Variants in ROBO2 observed in about 807,000 individuals in gnomAD.
The protein encoded by ROBO2 is roundabout homolog 2.
Under a neutral mutation model 160.8 loss-of-function variants are expected in ROBO2, and 53 were observed. The ratio of observed to expected loss-of-function variants is 0.33; its 90% CI spans 0.26 to 0.41. The LOEUF is 0.41. ROBO2 is among the 10% of genes least tolerant of loss of function. The pLI, the probability that ROBO2 is intolerant of heterozygous loss-of-function variation, is 1.00. For synonymous variants in ROBO2, 664 were observed against 611.7 expected, an observed-to-expected ratio of 1.09 and a Z score of -1.26; for missense variants, 1,577 against 1,722.4, an observed-to-expected ratio of 0.92 and a Z score of 1.49.
intron 2 of ROBO2, among the ~76,000 whole-genome samples, chr3:76,509,793 C>T (rs2080986499): frequency 6.6e-6 from 1 of 152,190 alleles, no homozygotes; most frequent in South Asian, 2.1e-4. Flanking sequence ...TAATGCCTCA[C>T]TCAGGTTGAG....
intron 2 of ROBO2, among the ~76,000 whole-genome samples, chr3:76,728,221 T>C (rs1199329356): frequency 6.6e-6 from 1 of 152,166 alleles, no homozygotes; most frequent in Non-Finnish European, 1.5e-5. Context: ...ATTCATTCTG[T>C]GTGTGTATGT....
At chr3:77,526,584 C>CA in intron 6 of ROBO2, among the ~76,000 whole-genome samples, 1 of 151,552 alleles carries the variant, frequency 6.6e-6, no homozygotes, top group East Asian at 1.9e-4. Context: ...GCGTGTTATT[C>CA]ATTTTTAAAA....
At chr3:77,519,633 A>G (rs2090384681) in intron 5 of ROBO2, among the ~76,000 whole-genome samples, 1 of 151,464 alleles carries the variant, frequency 6.6e-6, no homozygotes, top group African/African-American at 2.4e-5. Context: ...GCTGTGTAGT[A>G]TTCCATGGTA....
intron 2 of ROBO2, among the ~76,000 whole-genome samples, chr3:76,029,187 T>A (rs918451415): frequency 5.9e-5 from 9 of 152,074 alleles, no homozygotes; most frequent in Admixed American, 2.6e-4. Context: ...AAAACAAATT[T>A]CCAATGGTTT....
At chr3:77,356,621 T>G (rs1463490436) in intron 2 of ROBO2, among the ~76,000 whole-genome samples, 2 of 152,278 alleles carry the variant, frequency 1.3e-5, no homozygotes, top group East Asian at 3.9e-4. Context: ...TTACATGATA[T>G]GAGAACTTTT....
chr3:76,496,847 A>G lies in ROBO2; in HGVS notation c.109+559245A>G, dbSNP rs1038578102. Among the ~76,000 whole-genome samples the G allele has an allele frequency of 3.9e-5, 6 of 152,148 alleles. 1 individual carries two copies. Among genetic ancestry groups the G allele is most frequent in the African/African-American group, 9.7e-5 (4 of 41,440 alleles). The stretch of plus-strand genomic sequence containing the variant: ...AACCATACTATTATATGGCATCCCA[A>G]TCCACCATCTAATATTGCAATAGAC... On this transcript the variant is annotated intron_variant, in intron 2 of 26. Transcript: ENST00000487694.
intron 2 of ROBO2, among the ~76,000 whole-genome samples, chr3:76,447,325 A>T (rs1577255005): frequency 6.6e-6 from 1 of 152,278 alleles, no homozygotes; most frequent in Admixed American, 6.5e-5. Context: ...AGAAATGCAA[A>T]TCAAAACCAC....
chr3:76,950,278 C>T (rs968252237), intron 2 of ROBO2, among the ~76,000 whole-genome samples: 1 of 152,084 alleles, frequency 6.6e-6, no homozygotes, highest in Admixed American at 6.6e-5. Flanking sequence ...GGGAATTCTC[C>T]ATCCTTTCCA....
At chr3:75,980,804 A>T (rs575835355) in intron 2 of ROBO2, among the ~76,000 whole-genome samples, 4 of 151,588 alleles carry the variant, frequency 2.6e-5, no homozygotes, top group South Asian at 4.2e-4. Context: ...TCTCCCCACC[A>T]CTTCTCTCAC....
chr3:77,034,021 A>C (rs1220267060), intron 2 of ROBO2, among the ~76,000 whole-genome samples: 1 of 151,928 alleles, frequency 6.6e-6, no homozygotes. Flanking sequence ...GGTCCTTTGG[A>C]TCCTTTAAAT....
At chr3:77,164,776 C>CA (rs1560143310) in intron 2 of ROBO2, among the ~76,000 whole-genome samples, 2 of 7,042 alleles carry the variant, frequency 2.8e-4, no homozygotes, top group African/African-American at 4.5e-4. Flanking sequence ...GTCAGACCCC[C>CA]GCCCGGCCAG....
chr3:76,413,483 C>A (rs894011913), intron 2 of ROBO2, among the ~76,000 whole-genome samples: 12 of 152,186 alleles, frequency 7.9e-5, no homozygotes, highest in African/African-American at 2.2e-4. Context: ...CCCAAGTCAC[C>A]TCTTGAATGC....
At chr3:77,544,871 A>G (rs1003921199) in intron 6 of ROBO2, among the ~76,000 whole-genome samples, 11 of 152,144 alleles carry the variant, frequency 7.2e-5, no homozygotes, top group Admixed American at 5.9e-4. Flanking sequence ...CTGCTCAACA[A>G]AAATGGATTT....
At chr3:77,219,618 A>G (rs530568909) in intron 2 of ROBO2, among the ~76,000 whole-genome samples, 1 of 150,280 alleles carries the variant, frequency 6.7e-6, no homozygotes, top group African/African-American at 2.4e-5. Context: ...GCATTTTACT[A>G]TTGACCATGG....
intron 2 of ROBO2, among the ~76,000 whole-genome samples, chr3:76,478,259 A>G (rs1560014397): frequency 7.0e-6 from 1 of 143,112 alleles, no homozygotes; most frequent in Non-Finnish European, 1.5e-5. Flanking sequence ...ATTCCCACCT[A>G]TGAGTGAGAA....
intron 2 of ROBO2, among the ~76,000 whole-genome samples, chr3:77,144,976 T>C (rs1480338922): frequency 6.6e-6 from 1 of 152,182 alleles, no homozygotes; most frequent in Non-Finnish European, 1.5e-5. Flanking sequence ...TAAAAACATA[T>C]ATTATGATAG....
intron 21 of ROBO2, among the ~76,000 whole-genome samples, chr3:77,616,939 T>C (rs1482179281): frequency 6.6e-6 from 1 of 152,202 alleles, no homozygotes; most frequent in Non-Finnish European, 1.5e-5. Context: ...TTTTGTGATT[T>C]GCATTTGGAT....
chr3:76,003,288 A>AT (rs2107575251), intron 2 of ROBO2, among the ~76,000 whole-genome samples: 1 of 152,320 alleles, frequency 6.6e-6, no homozygotes, highest in South Asian at 2.1e-4. Context: ...AATATCTCAT[A>AT]TTCCATGCAA....
intron 2 of ROBO2, among the ~76,000 whole-genome samples, chr3:76,347,544 G>GT (rs2074602939): frequency 6.6e-6 from 1 of 152,026 alleles, no homozygotes; most frequent in South Asian, 2.1e-4. Flanking sequence ...AAATTTGCCT[G>GT]TTCTGGTCAA....
Sources: gnomAD v4.1 joint callset for allele counts (sites outside exome capture counted in the v4.1 genomes callset) on GRCh38, gnomAD v4.1.1 for gene constraint, MANE v1.5 for transcripts, NCBI Gene and HGNC (gene_info 2026-07-23, HGNC 2026-07-21) for gene names.